SH3BGRL: variants seen among roughly 807,000 people sequenced by gnomAD.
The protein encoded by SH3BGRL is SH3 domain binding glutamate rich protein like, also known as adapter SH3BGRL.
Under a neutral mutation model 9.8 loss-of-function variants are expected in SH3BGRL, and 7 were observed. That is an observed-to-expected ratio of 0.72 (90% confidence interval 0.41 to 1.35). The LOEUF (loss-of-function observed/expected upper bound fraction) is 1.35, where lower values mean the gene tolerates loss of function less well. Ranked by LOEUF, SH3BGRL falls within the 40% of genes most tolerant of loss-of-function variation. SH3BGRL has a pLI of 0.01. For missense variants in SH3BGRL, 73 were observed against 84.4 expected (o/e 0.86, Z 0.53); for synonymous variants, 36 against 29.1 (o/e 1.24, Z -0.76).
At chrX:81,232,932 TTC>T (rs2075637366) in intron 1 of SH3BGRL, among the ~76,000 whole-genome samples, 1 of 111,794 alleles carries the variant, frequency 8.9e-6, no homozygotes, top group South Asian at 3.7e-4. Flanking sequence ...TTAAAACTTT[TTC>T]TAAGTATTTT....
chrX:81,208,701 A>G (rs899987711), intron 1 of SH3BGRL, among the ~76,000 whole-genome samples: 5 of 111,972 alleles, frequency 4.5e-5, no homozygotes, highest in Non-Finnish European at 9.4e-5. Flanking sequence ...AAACAAAAGT[A>G]CATTTAGAGA....
intron 3 of SH3BGRL, among the ~76,000 whole-genome samples, chrX:81,283,048 CGCA>C (rs2075822870): frequency 9.0e-6 from 1 of 111,575 alleles, no homozygotes; most frequent in East Asian, 2.8e-4. Flanking sequence ...CACCTCTATG[CGCA>C]TAAACTAGAA....
At position 81,204,115 on chromosome X, in the gene SH3BGRL, T is replaced by G. The variant is rs185740752; in HGVS notation, c.45+1870T>G. Among the ~76,000 whole-genome samples, 27 of 111,874 alleles carry G rather than the reference T, an allele frequency of 2.4e-4. No homozygotes were observed. In the East Asian group the frequency reaches 7.6e-3, roughly 31 times the overall value. ...ACTTTATTGTTGAAGACCATGCAAA[T>G]GGCAGATGTTTATGGTATTTGTATT... On this transcript the variant is annotated intron_variant, in intron 1 of 3. Coordinates refer to ENST00000373212, the MANE Select transcript of SH3BGRL (RefSeq NM_003022.3).
chrX:81,249,125 A>G (rs981911327), intron 1 of SH3BGRL, among the ~76,000 whole-genome samples: 12 of 111,947 alleles, frequency 1.1e-4, no homozygotes, highest in African/African-American at 3.6e-4. Context: ...AAACAAAACA[A>G]AACAAAAAAA....
In SH3BGRL at chrX:81,254,219, G is replaced by A. The variant is rs777810649; in HGVS notation, c.46-22765G>A. 8.0e-5 allele frequency among the ~76,000 whole-genome samples: 9 copies of A among 111,857 alleles called. No homozygotes were observed. The South Asian group carries it at 3.4e-3, about 42-fold the overall frequency. On this transcript the variant is annotated intron_variant, in intron 1 of 3. Coordinates refer to ENST00000373212, the MANE Select transcript of SH3BGRL (RefSeq NM_003022.3). ...GAGCCCATAGAATTATATGACCCAAGCCCCTTTTATTTTAGCACCTTTTGT... is the reference window on the plus strand; with the variant it reads ...GAGCCCATAGAATTATATGACCCAAACCCCTTTTATTTTAGCACCTTTTGT...
At chrX:81,272,456 A>G (rs893106785) in intron 1 of SH3BGRL, among the ~76,000 whole-genome samples, 1 of 109,986 alleles carries the variant, frequency 9.1e-6, no homozygotes, top group Non-Finnish European at 1.9e-5. Context: ...ATCATTTGAC[A>G]CAGAGTAGGC....
chrX:81,292,855 A>G (rs2075862574), intron 3 of SH3BGRL, among the ~76,000 whole-genome samples: 1 of 111,553 alleles, frequency 9.0e-6, no homozygotes, highest in Non-Finnish European at 1.9e-5. Context: ...CTGGACCACA[A>G]TGGAAAAAGA....
chrX:81,223,058 C>T (rs2075605187), intron 1 of SH3BGRL, among the ~76,000 whole-genome samples: 2 of 111,125 alleles, frequency 1.8e-5, no homozygotes, highest in African/African-American at 3.3e-5. Flanking sequence ...GAGTTCATTG[C>T]AGATTCTGGA....
chrX:81,287,690 ATACT>A (rs2075839735), intron 3 of SH3BGRL, among the ~76,000 whole-genome samples: 2 of 110,522 alleles, frequency 1.8e-5, no homozygotes, highest in South Asian at 7.8e-4. Context: ...ATTAGGAGAA[ATACT>A]TAATATAGGT....
chrX:81,285,645 G>A (rs1371067443), intron 3 of SH3BGRL, among the ~76,000 whole-genome samples: 1 of 111,718 alleles, frequency 9.0e-6, no homozygotes, highest in Non-Finnish European at 1.9e-5. Context: ...GGACTTTATG[G>A]ATAAAATATG....
chrX:81,282,563 C>T (rs987112259), intron 3 of SH3BGRL, among the ~76,000 whole-genome samples: 5 of 111,845 alleles, frequency 4.5e-5, no homozygotes, highest in Non-Finnish European at 9.4e-5. Context: ...AGTAAATAAC[C>T]TGCTCCTGAA....
chrX:81,224,021 A>G (rs1429250371), intron 1 of SH3BGRL, among the ~76,000 whole-genome samples: 2 of 111,652 alleles, frequency 1.8e-5, no homozygotes, highest in African/African-American at 6.5e-5. Context: ...AAGCTCAAGT[A>G]TTGGGAGTTG....
intron 1 of SH3BGRL, among the ~76,000 whole-genome samples, chrX:81,239,579 A>G (rs918359440): frequency 2.3e-4 from 26 of 111,855 alleles, no homozygotes; most frequent in African/African-American, 8.5e-4. Flanking sequence ...GAGAGGAGGT[A>G]GAGAAAGAGA....
At chrX:81,265,847 T>G (rs1035065089) in intron 1 of SH3BGRL, among the ~76,000 whole-genome samples, 2 of 112,138 alleles carry the variant, frequency 1.8e-5, no homozygotes, top group African/African-American at 6.5e-5. Context: ...CATTCCTATT[T>G]TTCCACAACC....
intron 1 of SH3BGRL, among the ~76,000 whole-genome samples, chrX:81,222,442 G>A (rs1422984563): frequency 5.6e-5 from 6 of 107,276 alleles, no homozygotes; most frequent in Admixed American, 5.1e-4. Context: ...TTGTCCTTGC[G>A]ATAGTTTGCT....
chrX:81,231,002 G>A lies in SH3BGRL; in HGVS notation c.45+28757G>A, dbSNP rs902774114. Among the ~76,000 whole-genome samples, 3 of 112,056 alleles carry A rather than the reference G, an allele frequency of 2.7e-5. No individual in the cohort carries two copies. In the Admixed American group the frequency reaches 2.8e-4, roughly 11 times the overall value. ...TAATTGGGTCACTGAATCAGTGCTC[G>A]TTAGAACAATATGTTGATATGTAAA... On this transcript the variant is annotated intron_variant, in intron 1 of 3. Transcript: ENST00000373212.
At chrX:81,274,676 T>C (rs2075792520) in intron 1 of SH3BGRL, among the ~76,000 whole-genome samples, 1 of 110,708 alleles carries the variant, frequency 9.0e-6, no homozygotes, top group Non-Finnish European at 1.9e-5. Context: ...TGCAAGCTCA[T>C]GATACTGCAT....
Position 81,248,245 on chromosome X carries a change from T to C in SH3BGRL, c.46-28739T>C, listed in dbSNP as rs974720016. Among the ~76,000 whole-genome samples the C allele has an allele frequency of 2.7e-5, 3 of 111,878 alleles. No individual in the cohort carries two copies. The Admixed American group carries it at 2.8e-4, about 11-fold the overall frequency. On this transcript the variant is annotated intron_variant, in intron 1 of 3. Coordinates refer to ENST00000373212, the MANE Select transcript of SH3BGRL (RefSeq NM_003022.3). ...TGTATGTCTTTCAGCAGGTTTTATA[T>C]TGTACCATGCAGGTAAACCTACAAG...
intron 3 of SH3BGRL, among the ~76,000 whole-genome samples, chrX:81,293,481 G>A (rs1209634584): frequency 9.0e-6 from 1 of 111,616 alleles, no homozygotes; most frequent in Non-Finnish European, 1.9e-5. Flanking sequence ...TCAGGAGTTT[G>A]AGACCAGCCT....
Sources: gnomAD v4.1 joint callset for allele counts (sites outside exome capture counted in the v4.1 genomes callset) on GRCh38, gnomAD v4.1.1 for gene constraint, MANE v1.5 for transcripts, NCBI Gene and HGNC (gene_info 2026-07-23, HGNC 2026-07-21) for gene names.